The following PRKDC variants were observed in gnomAD, a reference collection of about 807,000 sequenced individuals.
PRKDC encodes the protein DNA-dependent protein kinase catalytic subunit.
A neutral mutation model predicts 486.9 loss-of-function variants in PRKDC; 82 were observed. The observed-to-expected ratio is 0.17, with a 90% CI of 0.14 to 0.20. PRKDC has a LOEUF of 0.20. Among genes scored for constraint, PRKDC ranks in the 10% least tolerant of loss-of-function variants. PRKDC has a pLI of 1.00. For synonymous variants in PRKDC, 1,895 were observed against 1,837.0 expected, an observed-to-expected ratio of 1.03 and a Z score of -0.81; for missense variants, 4,504 against 5,038.2, an observed-to-expected ratio of 0.89 and a Z score of 3.21.
At chr8:47,942,168 A>G (rs138887974) in intron 10 of PRKDC, among the ~76,000 whole-genome samples, 4 of 152,362 alleles carry the variant, frequency 2.6e-5, no homozygotes, top group African/African-American at 9.6e-5. Context: ...ATGTTTACTG[A>G]GATCCAAACA....
At chr8:47,881,587 C>T in intron 37 of PRKDC, 67 bp from the exon 38 acceptor site, 3 of 817,340 alleles carry the variant, frequency 3.7e-6, no homozygotes, top group Non-Finnish European at 5.6e-6. Flanking sequence ...TAGCCCATTG[C>T]TCAAATGTTT....
intron 54 of PRKDC, among the ~76,000 whole-genome samples, chr8:47,846,647 C>T (rs1328433794): frequency 6.6e-6 from 1 of 152,084 alleles, no homozygotes; most frequent in Non-Finnish European, 1.5e-5. Context: ...ACTCAAAGTC[C>T]TACACAGAAC....
rs759755465 is a variant in PRKDC, at chr8:47,858,956, C to T, written c.6238G>A (p.Val2080Met). ...EQRDPTVHDD[V>M]LELEMDELNR... ...AGCTCGTCCATCTCCAGCTCCAGCACATCATCATGCACCGTGGGGTCCCGC... is the reference window on the plus strand; with the variant it reads ...AGCTCGTCCATCTCCAGCTCCAGCATATCATCATGCACCGTGGGGTCCCGC... Residue 2080 changes from valine (V) to methionine (M), a missense_variant, in exon 47 of 86, where the codon GTG (valine) becomes ATG (methionine). This residue lies in a region of PRKDC where 1,592 missense variants were observed against 1,724.6 expected (regional missense o/e 0.92). Coordinates refer to ENST00000314191, the MANE Select transcript of PRKDC (RefSeq NM_006904.7). 8 of 1,613,510 alleles carry T rather than the reference C, an allele frequency of 5.0e-6. No homozygotes were observed. The highest frequency in any genetic ancestry group is 1.7e-5 in the Admixed American group (1 of 60,020).
chr8:47,794,188 TAA>T, intron 74 of PRKDC, 100 bp downstream of exon 74: 1 of 932,224 alleles, frequency 1.1e-6, no homozygotes. Context: ...ATGACAACTC[TAA>T]TTAATTTGAA....
At chr8:47,780,954 TA>T (rs1308110408) in intron 80 of PRKDC, among the ~76,000 whole-genome samples, 6 of 151,994 alleles carry the variant, frequency 3.9e-5, no homozygotes, top group African/African-American at 1.2e-4. Context: ...CAAAACACTG[TA>T]ACATGCTGAA....
intron 24 of PRKDC, among the ~76,000 whole-genome samples, chr8:47,913,700 C>T: frequency 6.6e-6 from 1 of 152,060 alleles, no homozygotes; most frequent in East Asian, 1.9e-4. Context: ...GCCCAATTAC[C>T]TATTAAGATG....
At chr8:47,956,006 A>C (rs1338880062) in intron 3 of PRKDC, 58 bp from the exon 4 acceptor site, 1 of 1,242,052 alleles carries the variant, frequency 8.1e-7, no homozygotes, top group Admixed American at 2.3e-5. Context: ...ACTAAGACTC[A>C]GCAATACCTG....
intron 38 of PRKDC, among the ~76,000 whole-genome samples, chr8:47,880,596 T>C (rs768412411): frequency 1.3e-5 from 2 of 152,202 alleles, no homozygotes; most frequent in Non-Finnish European, 2.9e-5. Context: ...AAAATGACAG[T>C]ATTTATTAAT....
intron 7 of PRKDC, among the ~76,000 whole-genome samples, chr8:47,947,101 T>A (rs1319660122): frequency 6.6e-6 from 1 of 152,186 alleles, no homozygotes; most frequent in African/African-American, 2.4e-5. Flanking sequence ...CACCAGCTCT[T>A]GTGGACCCTC....
intron 25 of PRKDC, among the ~76,000 whole-genome samples, chr8:47,906,921 C>A (rs192252444): frequency 6.6e-6 from 1 of 151,596 alleles, no homozygotes; most frequent in Admixed American, 6.8e-5. Context: ...TCCCCTAATA[C>A]CTTCACTGGC....
Position 47,782,079 on chromosome 8 carries a change from C to T in PRKDC, c.11489+83G>A, listed in dbSNP as rs1056486458. The T allele has an allele frequency of 1.0e-5, 13 of 1,244,326 alleles. No homozygotes were observed. Among genetic ancestry groups the T allele is most frequent in the Non-Finnish European group, 1.5e-5 (13 of 859,100 alleles). 77.1% of individuals were successfully genotyped at this position (1,244,326 alleles called of 1,614,324 possible). ...GGGGCAGGCAGTGTGGGCTCTCGAGCGCGCCTGTCACGGCCCCGACCTGCC... is the reference window on the plus strand; with the variant it reads ...GGGGCAGGCAGTGTGGGCTCTCGAGTGCGCCTGTCACGGCCCCGACCTGCC... On this transcript the variant is annotated intron_variant, in intron 80 of 85. Coordinates refer to ENST00000314191, the MANE Select transcript of PRKDC (RefSeq NM_006904.7). This position sits in a 1 kb window ranked among gnomAD's most constrained non-coding sequence, Gnocchi z 4.9.
intron 74 of PRKDC, among the ~76,000 whole-genome samples, chr8:47,791,036 G>C (rs200118016): frequency 6.6e-6 from 1 of 152,234 alleles, no homozygotes; most frequent in East Asian, 1.9e-4. Flanking sequence ...TACCCCACAG[G>C]CACATGCAAC....
chr8:47,801,273 T>C (rs1194013705), intron 70 of PRKDC, among the ~76,000 whole-genome samples: 3 of 152,288 alleles, frequency 2.0e-5, no homozygotes, highest in East Asian at 3.9e-4. Flanking sequence ...GGTTTCGCCA[T>C]GTTGCCCACG....
In PRKDC at chr8:47,798,275, G is replaced by A. The variant is rs766325040; in HGVS notation, c.10420C>T (p.Arg3474Trp). The A allele has an allele frequency of 2.9e-5, 46 of 1,613,682 alleles. No homozygotes were observed. Among genetic ancestry groups the A allele is most frequent in the Admixed American group, 3.3e-5 (2 of 59,968 alleles). The stretch of plus-strand genomic sequence containing the variant: ...AGGCTCAAAGTCTCCTCTGGATACC[G>A]TTCTATAATCTGAAGTAATCTAGGA... ...KFPRLLQIIERYPEETLSLMT... is the reference protein window; with the variant it reads ...KFPRLLQIIEWYPEETLSLMT... Residue 3474 changes from arginine to tryptophan, a missense_variant, in exon 73 of 86, where the codon CGG (arginine) becomes TGG (tryptophan). Arg to Trp is a moderately radical substitution (Grantham distance 101). This residue lies in a region of PRKDC where 706 missense variants were observed against 945.0 expected (regional missense o/e 0.75). Coordinates refer to ENST00000314191, the MANE Select transcript of PRKDC (RefSeq NM_006904.7).
chr8:47,856,353 G>A lies in PRKDC; in HGVS notation c.6609+803C>T, dbSNP rs964964241. Among the ~76,000 whole-genome samples the A allele has an allele frequency of 5.9e-5, 9 of 151,948 alleles. No individual in the cohort carries two copies. The South Asian group carries it at 1.5e-3, about 25-fold the overall frequency. ...AGCAATTCTCCTGCCTCAGCCTCCCGAATAGCTAGGATTATAGACATGCAG... is the reference window on the plus strand; with the variant it reads ...AGCAATTCTCCTGCCTCAGCCTCCCAAATAGCTAGGATTATAGACATGCAG... On this transcript the variant is annotated intron_variant, in intron 49 of 85. Coordinates refer to ENST00000314191, the MANE Select transcript of PRKDC (RefSeq NM_006904.7).
chr8:47,907,850 T>C (rs1271891766), intron 25 of PRKDC, among the ~76,000 whole-genome samples: 4 of 152,202 alleles, frequency 2.6e-5, no homozygotes, highest in African/African-American at 9.6e-5. Flanking sequence ...AGAGCTCCTG[T>C]CTTCCTGGAA....
chr8:47,794,746 TAGAC>T (rs1371192293), intron 73 of PRKDC, among the ~76,000 whole-genome samples: 1 of 152,232 alleles, frequency 6.6e-6, no homozygotes, highest in African/African-American at 2.4e-5. Flanking sequence ...TGGTTGTTCT[TAGAC>T]AGATGTATAG....
At chr8:47,901,496 T>C (rs1231439908) in intron 27 of PRKDC, among the ~76,000 whole-genome samples, 2 of 151,408 alleles carry the variant, frequency 1.3e-5, no homozygotes, top group Non-Finnish European at 2.9e-5. Flanking sequence ...CAAAAAAAAA[T>C]AGAAAAGAAA....
chr8:47,779,027 A>G lies in PRKDC; in HGVS notation c.11556T>C (p.Val3852=), dbSNP rs2154497368. ...WLTKMSGKHD[V]GAYMLMYKGA... The stretch of plus-strand genomic sequence containing the variant: ...ACTTATACATTAGCATGTAAGCTCC[A>G]ACATCATGTTTTCCTGACATTTTTG... The change falls in exon 81 of 86, where the codon GTT becomes GTC. Residue 3852 remains valine, a synonymous_variant. Transcript: ENST00000314191. 1 of 1,600,810 alleles carries G rather than the reference A, an allele frequency of 6.2e-7. No individual in the cohort carries two copies. Among genetic ancestry groups the G allele is most frequent in the Middle Eastern group, 1.7e-4 (1 of 6,052 alleles).
Sources: gnomAD v4.1 joint callset for allele counts (sites outside exome capture counted in the v4.1 genomes callset) on GRCh38, gnomAD v4.1.1 for gene constraint, gnomAD v4.1.1 regional missense constraint, Gnocchi (gnomAD v3.1) non-coding constraint, MANE v1.5 for transcripts, NCBI Gene and HGNC (gene_info 2026-07-23, HGNC 2026-07-21) for gene names.